The following UTRN variants were observed in gnomAD, a reference collection of about 807,000 sequenced individuals.
UTRN encodes dystrophin-related protein 1.
Under a neutral mutation model 463.9 loss-of-function variants are expected in UTRN, and 283 were observed. The ratio of observed to expected loss-of-function variants is 0.61; its 90% CI spans 0.55 to 0.67. The LOEUF is 0.67. Ranked by LOEUF, UTRN falls within the 30% of genes least tolerant of loss-of-function variation. The pLI is 0.00. For synonymous variants in UTRN, 1,442 were observed against 1,431.5 expected (o/e 1.01, Z -0.17); for missense variants, 3,922 against 4,084.3 (o/e 0.96, Z 1.08).
At chr6:144,315,609 C>T (rs1714497504) in intron 2 of UTRN, among the ~76,000 whole-genome samples, 1 of 152,228 alleles carries the variant, frequency 6.6e-6, no homozygotes, top group African/African-American at 2.4e-5. Flanking sequence ...AATTAGATAA[C>T]GGCGCCCACT....
At chr6:144,826,528 T>C (rs908032531) in intron 66 of UTRN, among the ~76,000 whole-genome samples, 8 of 152,138 alleles carry the variant, frequency 5.3e-5, no homozygotes, top group Non-Finnish European at 4.4e-5. Context: ...TTAATTAGGA[T>C]CAGTTGTTTT....
In UTRN at chr6:144,633,301, C is replaced by T. The variant is rs538678595; in HGVS notation, c.7480-45105C>T. On this transcript the variant is annotated intron_variant, in intron 51 of 74. Transcript: ENST00000367545. ...CTGAAGTGCAATGGCGCGATCTCGG[C>T]GCACTGCAAGCTCCGCCTCCCGGGT... Among the ~76,000 whole-genome samples the T allele has an allele frequency of 2.3e-3, 349 of 149,328 alleles. 2 individuals are homozygous for T. Among genetic ancestry groups the T allele is most frequent in the African/African-American group, 8.1e-3 (327 of 40,252 alleles).
intron 2 of UTRN, 146 bp from the exon 3 acceptor site, chr6:144,402,977 T>C (rs1003188745): frequency 8.5e-6 from 6 of 704,020 alleles, no homozygotes; most frequent in Admixed American, 4.9e-5. Flanking sequence ...CATCACATTC[T>C]GCATTAGCTC....
At chr6:144,405,832 C>T (rs962827300) in intron 3 of UTRN, among the ~76,000 whole-genome samples, 42 of 152,168 alleles carry the variant, frequency 2.8e-4, no homozygotes, top group African/African-American at 8.2e-4. Flanking sequence ...TAGAGTGACA[C>T]GTCTCTTTTC....
chr6:144,325,949 G>A (rs1213505413), intron 2 of UTRN, among the ~76,000 whole-genome samples: 1 of 152,186 alleles, frequency 6.6e-6, no homozygotes, highest in Non-Finnish European at 1.5e-5. Context: ...AAGATCTCAA[G>A]TAGAGATTGG....
At chr6:144,635,535 C>CTTTTTTTTTTTTTTTTTTTTTT (rs1219903798) in intron 51 of UTRN, among the ~76,000 whole-genome samples, 11 of 33,172 alleles carry the variant, frequency 3.3e-4, no homozygotes, top group Middle Eastern at 0.045. Flanking sequence ...TTTTTCTTTT[C>CTTTTTTTTTTTTTTTTTTTTTT]TTTTTTTTTT....
intron 52 of UTRN, among the ~76,000 whole-genome samples, chr6:144,699,094 G>A (rs1249107163): frequency 6.6e-6 from 1 of 152,114 alleles, no homozygotes; most frequent in Non-Finnish European, 1.5e-5. Flanking sequence ...TACAACAGAA[G>A]GAGTTTTTGG....
At chr6:144,489,532 T>C (rs990083945) in intron 30 of UTRN, among the ~76,000 whole-genome samples, 3 of 152,148 alleles carry the variant, frequency 2.0e-5, no homozygotes, top group African/African-American at 7.2e-5. Context: ...TTGTGAACAT[T>C]AGAAACGACA....
At chr6:144,344,324 C>G (rs1437816802) in intron 2 of UTRN, 1 of 1,303,842 alleles carries the variant, frequency 7.7e-7, no homozygotes, top group Admixed American at 2.3e-5. Flanking sequence ...TCAACTTGCA[C>G]GACTCCCAGC....
At chr6:144,513,808 A>G (rs1795378221) in intron 35 of UTRN, 101 bp from the exon 36 acceptor site, 2 of 1,328,262 alleles carry the variant, frequency 1.5e-6, no homozygotes, top group East Asian at 5.1e-5. Flanking sequence ...CTTTAAATTC[A>G]TGGTACAGTT....
intron 45 of UTRN, among the ~76,000 whole-genome samples, chr6:144,541,595 C>G (rs1797979488): frequency 1.3e-5 from 2 of 152,218 alleles, no homozygotes; most frequent in African/African-American, 4.8e-5. Context: ...TTCATACAGT[C>G]ATTCATTCAC....
At chr6:144,606,887 A>T (rs1481977430) in intron 51 of UTRN, among the ~76,000 whole-genome samples, 2 of 152,204 alleles carry the variant, frequency 1.3e-5, no homozygotes. Context: ...CCTCGCTCAG[A>T]GAGAGATCTG....
intron 64 of UTRN, among the ~76,000 whole-genome samples, chr6:144,800,765 G>A (rs917006052): frequency 6.8e-6 from 1 of 148,078 alleles, no homozygotes; most frequent in African/African-American, 2.4e-5. Context: ...TGTGATAGTA[G>A]CTAAACCTAT....
chr6:144,361,301 T>C (rs1408231575), intron 2 of UTRN, among the ~76,000 whole-genome samples: 2 of 152,176 alleles, frequency 1.3e-5, no homozygotes, highest in Non-Finnish European at 2.9e-5. Context: ...TGGCTGATGT[T>C]AGGAAGGGGG....
intron 58 of UTRN, among the ~76,000 whole-genome samples, chr6:144,769,735 A>T (rs1793791790): frequency 6.6e-6 from 1 of 152,130 alleles, no homozygotes; most frequent in South Asian, 2.1e-4. Flanking sequence ...TCATGATGGG[A>T]TGTCTGTCTC....
At position 144,485,457 on chromosome 6, in the gene UTRN, G is replaced by C. The variant is rs1416146223; in HGVS notation, c.3760G>C (p.Glu1254Gln). ...LETTWLNTLE[E>Q]RMKSTEVLPE... is the part of the protein sequence containing the mutation. ...AACTACCTGGTTAAACACTTTGGAAGAGCGGATGAAGAGCACAGAGGTCCT... is the reference window on the plus strand; with the variant it reads ...AACTACCTGGTTAAACACTTTGGAACAGCGGATGAAGAGCACAGAGGTCCT... Residue 1254 changes from glutamate to glutamine, a missense_variant, in exon 28 of 75, where the codon GAG becomes CAG. Coordinates refer to ENST00000367545, the MANE Select transcript of UTRN (RefSeq NM_007124.3). 1 of 1,614,232 alleles carries C rather than the reference G, an allele frequency of 6.2e-7. No homozygotes were observed. Among genetic ancestry groups the C allele is most frequent in the African/African-American group, 1.3e-5 (1 of 75,068 alleles).
At chr6:144,805,051 T>G (rs1331536551) in intron 65 of UTRN, among the ~76,000 whole-genome samples, 1 of 152,154 alleles carries the variant, frequency 6.6e-6, no homozygotes, top group Non-Finnish European at 1.5e-5. Context: ...TGTTTAAGTC[T>G]TTTAATGGAG....
chr6:144,348,636 A>G (rs1777812645), intron 2 of UTRN, among the ~76,000 whole-genome samples: 1 of 152,170 alleles, frequency 6.6e-6, no homozygotes, highest in Non-Finnish European at 1.5e-5. Flanking sequence ...AAAGAGCGAC[A>G]TGTGAAAGAA....
chr6:144,441,724 G>A (rs1010861700), intron 13 of UTRN, among the ~76,000 whole-genome samples: 1 of 152,228 alleles, frequency 6.6e-6, no homozygotes, highest in African/African-American at 2.4e-5. Flanking sequence ...TGCCCTAGCA[G>A]AGGTTCTCCA....
Sources: gnomAD v4.1 joint callset for allele counts (sites outside exome capture counted in the v4.1 genomes callset) on GRCh38, gnomAD v4.1.1 for gene constraint, MANE v1.5 for transcripts, NCBI Gene and HGNC (gene_info 2026-07-23, HGNC 2026-07-21) for gene names.